Variants in GRSF1 observed in about 807,000 individuals in gnomAD.
GRSF1 encodes G-rich RNA sequence binding factor 1.
A neutral mutation model predicts 51.1 loss-of-function variants in GRSF1; 50 were observed. The observed-to-expected ratio is 0.98, with a 90% CI of 0.78 to 1.24. GRSF1 has a LOEUF of 1.24. Ranked by LOEUF, GRSF1 falls within the 50% of genes most tolerant of loss-of-function variation. The probability of loss-of-function intolerance (pLI) is 0.00; values close to 1 mark genes in which losing one functional copy is unlikely to be tolerated. For missense variants in GRSF1, 700 were observed against 639.7 expected, an observed-to-expected ratio of 1.09 and a Z score of -1.02; for synonymous variants, 293 against 253.3, an observed-to-expected ratio of 1.16 and a Z score of -1.49.
At chr4:70,827,769 C>G in intron 6 of GRSF1, 83 bp downstream of exon 6, 8 of 954,620 alleles carry the variant, frequency 8.4e-6, no homozygotes, top group Non-Finnish European at 1.3e-5. Flanking sequence ...CAGAGCGAGA[C>G]TTCATCTCAA....
chr4:70,839,028 G>T, intron 1 of GRSF1: 6 of 780,468 alleles, frequency 7.7e-6, no homozygotes, highest in Non-Finnish European at 1.1e-5. Context: ...GCGGCCGACC[G>T]AGAGGCGCCG....
chr4:70,839,381 A>G, intron 1 of GRSF1, 90 bp downstream of exon 1: 1 of 1,503,466 alleles, frequency 6.7e-7, no homozygotes. Flanking sequence ...CGTGCCCGCG[A>G]GGCGCACACG....
chr4:70,816,893 T>G lies in GRSF1; in HGVS notation c.*3994A>C, dbSNP rs1448599210. On this transcript the variant is annotated 3_prime_UTR_variant, in exon 10 of 10. Coordinates refer to ENST00000254799, the MANE Select transcript of GRSF1 (RefSeq NM_002092.4). Reference sequence around the variant, plus strand: ...AATGCTGCTTGTACAATCTAAGGGATGGGTATTGGCATCACCAAGATTTTA... The same window carrying G: ...AATGCTGCTTGTACAATCTAAGGGAGGGGTATTGGCATCACCAAGATTTTA... 2 of 152,312 alleles carry G rather than the reference T, an allele frequency of 1.3e-5. No homozygotes were observed. Among genetic ancestry groups the G allele is most frequent in the East Asian group, 3.9e-4 (2 of 5,190 alleles). 9.4% of individuals were successfully genotyped at this position (152,312 alleles called of 1,614,324 possible).
At position 70,818,578 on chromosome 4, in the gene GRSF1, T is replaced by C. The variant is rs1297238562; in HGVS notation, c.*2309A>G. ...AAGGGACACATACTCTATTTCTGCT[T>C]CATTGCCTGGTGTCAATATTTAGAT... On this transcript the variant is annotated 3_prime_UTR_variant, in exon 10 of 10. Coordinates refer to ENST00000254799, the MANE Select transcript of GRSF1 (RefSeq NM_002092.4). The C allele has an allele frequency of 1.3e-5, 2 of 152,222 alleles. No individual in the cohort carries two copies. The highest frequency in any genetic ancestry group is 2.1e-4 in the South Asian group (1 of 4,832). The allele number at this position is 152,222 out of a possible 1,614,324, so 9.4% of individuals were successfully genotyped here. A position where few individuals can be genotyped will look rare whatever the true frequency, so the allele number is the denominator to read the frequency against.
chr4:70,830,804 CA>C (rs944281619), intron 5 of GRSF1, among the ~76,000 whole-genome samples: 1 of 150,100 alleles, frequency 6.7e-6, no homozygotes. Context: ...GCCTAGGCGG[CA>C]GAGTGAAACT....
At chr4:70,828,088 C>G in intron 5 of GRSF1, 52 bp from the exon 6 acceptor site, 1 of 1,278,866 alleles carries the variant, frequency 7.8e-7, no homozygotes, top group Non-Finnish European at 1.1e-6. Context: ...TAACTTTATA[C>G]TGAACTCATT....
At chr4:70,821,913 T>C (rs2148834467) in intron 9 of GRSF1, among the ~76,000 whole-genome samples, 1 of 152,200 alleles carries the variant, frequency 6.6e-6, no homozygotes, top group Admixed American at 6.5e-5. Context: ...TGACCTCAGG[T>C]GATCTGCCTG....
upstream of GRSF1, among the ~76,000 whole-genome samples, chr4:70,841,215 A>T (rs181354550): frequency 7.2e-4 from 110 of 152,326 alleles, no homozygotes; most frequent in African/African-American, 2.5e-3. Flanking sequence ...CCCAGAAGGT[A>T]GAGGCTGTGG....
At chr4:70,839,248 C>T (rs3775728) in intron 1 of GRSF1, 1,434,176 of 1,472,138 alleles carry the variant, frequency 0.97, 699,735 homozygotes, top group Non-Finnish European at 0.99. Context: ...CGACCAGAGA[C>T]TCGAGGCGAG....
In GRSF1 at chr4:70,839,493, A is replaced by ACGGCGG; in HGVS notation, c.329_334dup (p.Ala110_Ala111dup). The ACGGCGG allele has an allele frequency of 7.1e-7, 1 of 1,411,850 alleles. No homozygotes were observed. The highest frequency in any genetic ancestry group is 3.1e-5 in the East Asian group (1 of 32,236). The allele number at this position is 1,411,850 out of a possible 1,614,324, so 87.5% of individuals were successfully genotyped here. A position where few individuals can be genotyped will look rare whatever the true frequency, so the allele number is the denominator to read the frequency against. The stretch of plus-strand genomic sequence containing the variant: ...TACCTGGCTGTAGCTGCGCGTCGGG[A>ACGGCGG]CGGCGGCCGCCGCCGCCAGCGACTG... On this transcript the variant is annotated inframe_insertion, in exon 1 of 10. Coordinates refer to ENST00000254799, the MANE Select transcript of GRSF1 (RefSeq NM_002092.4).
chr4:70,827,281 C>CT (rs1733774537), intron 6 of GRSF1, among the ~76,000 whole-genome samples: 1 of 77,052 alleles, frequency 1.3e-5, no homozygotes, highest in Non-Finnish European at 3.1e-5. Context: ...GAGTGAAACT[C>CT]TGTCTCAAAA....
At chr4:70,839,933 C>A, upstream of GRSF1, 2 of 1,015,640 alleles carry the variant, frequency 2.0e-6, no homozygotes, top group South Asian at 1.9e-5. Flanking sequence ...CTGGCACATG[C>A]GCCGCGGGCA....
At chr4:70,828,436 A>C (rs1431840468) in intron 5 of GRSF1, among the ~76,000 whole-genome samples, 1 of 152,226 alleles carries the variant, frequency 6.6e-6, no homozygotes, top group Non-Finnish European at 1.5e-5. Context: ...TATCTGTATA[A>C]GATATTAAAA....
chr4:70,824,267 G>T, intron 9 of GRSF1, 27 bp downstream of exon 9: 1 of 964,296 alleles, frequency 1.0e-6, no homozygotes, highest in Non-Finnish European at 1.6e-6. Context: ...ACTGCACCCA[G>T]CCCACAGTAT....
intron 6 of GRSF1, among the ~76,000 whole-genome samples, chr4:70,827,161 G>A (rs377690880): frequency 2.6e-5 from 4 of 152,028 alleles, no homozygotes; most frequent in African/African-American, 4.8e-5. Flanking sequence ...GGTGGCAGGC[G>A]CCTGTAGTCC....
At chr4:70,833,515 T>C (rs947573716) in intron 2 of GRSF1, among the ~76,000 whole-genome samples, 10 of 152,196 alleles carry the variant, frequency 6.6e-5, no homozygotes, top group Non-Finnish European at 1.5e-4. Flanking sequence ...GATCATTAAA[T>C]AGCAAATCAG....
Position 70,817,335 on chromosome 4 carries a change from A to G in GRSF1, c.*3552T>C, listed in dbSNP as rs1432139825. 6.6e-6 allele frequency: 1 copy of G among 152,182 alleles called. No individual in the cohort carries two copies. The highest frequency in any genetic ancestry group is 1.5e-5 in the Non-Finnish European group (1 of 68,088). The allele number at this position is 152,182 out of a possible 1,614,324, so 9.4% of individuals were successfully genotyped here. A position where few individuals can be genotyped will look rare whatever the true frequency, so the allele number is the denominator to read the frequency against. On this transcript the variant is annotated 3_prime_UTR_variant, in exon 10 of 10. Coordinates refer to ENST00000254799, the MANE Select transcript of GRSF1 (RefSeq NM_002092.4). The stretch of plus-strand genomic sequence containing the variant: ...AGCAGTCCTCCCACTTCAGCCTCAC[A>G]AAGTGCGGGGATTACAGATGTCAGC...
chr4:70,817,246 C>CT lies in GRSF1; in HGVS notation c.*3640dup, dbSNP rs1327772701. ...TTTTTTTCTGAGACAGGGTCTCACT[C>CT]TGTCACTCAGGCTGGAGTGCAGCAA... is the stretch of plus-strand genomic sequence containing the variant. On this transcript the variant is annotated 3_prime_UTR_variant, in exon 10 of 10. Transcript: ENST00000254799. The CT allele has an allele frequency of 6.6e-6, 1 of 151,648 alleles. No homozygotes were observed. The highest frequency in any genetic ancestry group is 1.5e-5 in the Non-Finnish European group (1 of 67,974). 9.4% of individuals were successfully genotyped at this position (151,648 alleles called of 1,614,324 possible).
intron 1 of GRSF1, among the ~76,000 whole-genome samples, chr4:70,838,399 T>C (rs1734310482): frequency 6.6e-6 from 1 of 152,096 alleles, no homozygotes; most frequent in Non-Finnish European, 1.5e-5. Context: ...GTAGACAACT[T>C]TCCCCATTTT....
Sources: gnomAD v4.1 joint callset for allele counts (sites outside exome capture counted in the v4.1 genomes callset) on GRCh38, gnomAD v4.1.1 for gene constraint, MANE v1.5 for transcripts, NCBI Gene and HGNC (gene_info 2026-07-23, HGNC 2026-07-21) for gene names.